HSPA9: variants seen among roughly 807,000 people sequenced by gnomAD.
The protein encoded by HSPA9 is heat shock protein family A (Hsp70) member 9.
HSPA9 carries 28 observed loss-of-function variants against 81.5 expected under a neutral mutation model. The ratio of observed to expected loss-of-function variants is 0.34; its 90% CI spans 0.25 to 0.47. The LOEUF is 0.47. Among genes scored for constraint, HSPA9 ranks in the 20% least tolerant of loss-of-function variants. The pLI is 1.00. For missense variants in HSPA9, 678 were observed against 838.0 expected (o/e 0.81, Z 2.36); for synonymous variants, 293 against 290.4 (o/e 1.01, Z -0.09).
rs773433521 is a variant in HSPA9 at position 138,569,048 on chromosome 5, T to C, written c.412A>G (p.Lys138Glu). The change falls in exon 5 of 17, where the codon AAA (lysine) becomes GAA (glutamate). Residue 138 changes from lysine (K) to glutamate (E), a missense_variant and splice_region_variant. Transcript: ENST00000297185. The stretch of plus-strand genomic sequence containing the variant: ...CGGACAATTTTAAAGGGAACATTTT[T>C]ACTGTAAGACACAAAAATTCTATTA... ...YDDPEVQKDIKNVPFKIVRAS... is the reference protein window; with the variant it reads ...YDDPEVQKDIENVPFKIVRAS... 6.2e-7 allele frequency: 1 copy of C among 1,613,730 alleles called. No individual in the cohort carries two copies. The highest frequency in any genetic ancestry group is 8.5e-7 in the Non-Finnish European group (1 of 1,179,714).
chr5:138,569,245 T>C (rs541439262), intron 4 of HSPA9, among the ~76,000 whole-genome samples, 196 bp from the exon 5 acceptor site: 1 of 152,206 alleles, frequency 6.6e-6, no homozygotes, highest in South Asian at 2.1e-4. Context: ...AATAAATAAA[T>C]AAAAAGAAAG....
At chr5:138,565,587 T>G (rs1750745034) in intron 9 of HSPA9, among the ~76,000 whole-genome samples, 1 of 152,222 alleles carries the variant, frequency 6.6e-6, no homozygotes, top group Non-Finnish European at 1.5e-5. Flanking sequence ...AATTCTATTC[T>G]TGGTGGTGAA....
Position 138,564,677 on chromosome 5 carries a change from T to A in HSPA9, c.972+1949A>T, listed in dbSNP as rs568676544. Reference sequence around the variant, plus strand: ...CCTGGCCACCCAAAGTGAGGCCCCTTCTTAAATTGTAACTGCATTTTTACC... The same window carrying A: ...CCTGGCCACCCAAAGTGAGGCCCCTACTTAAATTGTAACTGCATTTTTACC... On this transcript the variant is annotated intron_variant, in intron 9 of 16. Transcript: ENST00000297185. 2.6e-5 allele frequency among the ~76,000 whole-genome samples: 4 copies of A among 152,346 alleles called. No individual in the cohort carries two copies. The East Asian group carries it at 7.7e-4, about 29-fold the overall frequency.
At chr5:138,570,868 G>A in intron 4 of HSPA9, 92 bp downstream of exon 4, 3 of 1,062,208 alleles carry the variant, frequency 2.8e-6, no homozygotes, top group South Asian at 2.5e-5. Flanking sequence ...CTAAAGTAAG[G>A]TGCTCCAGGG....
chr5:138,568,183 C>T (rs1750805253), intron 5 of HSPA9, among the ~76,000 whole-genome samples: 1 of 145,348 alleles, frequency 6.9e-6, no homozygotes, highest in South Asian at 2.2e-4. Context: ...AGACTCTTGT[C>T]TCAAAACAAA....
intron 3 of HSPA9, among the ~76,000 whole-genome samples, chr5:138,572,900 C>CTG (rs2127162516): frequency 6.9e-6 from 1 of 145,296 alleles, no homozygotes; most frequent in East Asian, 2.0e-4. Context: ...ATAGTCTCTT[C>CTG]TTTTTTTTTT....
At position 138,565,685 on chromosome 5, in the gene HSPA9, G is replaced by A. The variant is rs1196136671; in HGVS notation, c.972+941C>T. 2.0e-5 allele frequency among the ~76,000 whole-genome samples: 3 copies of A among 152,150 alleles called. No homozygotes were observed. The East Asian group carries it at 5.8e-4, about 29-fold the overall frequency. Reference sequence around the variant, plus strand: ...TGCTCACAGACGGAAACTTGCACAAGCTTCAGCTCTTTTTCTAGACTGGTG... The same window carrying A: ...TGCTCACAGACGGAAACTTGCACAAACTTCAGCTCTTTTTCTAGACTGGTG... On this transcript the variant is annotated intron_variant, in intron 9 of 16. Transcript: ENST00000297185.
rs994748063 is a variant in HSPA9 at position 138,574,082 on chromosome 5, T to C, written c.126A>G (p.Ser42=). Residue 42 remains serine (S), a synonymous_variant, in exon 2 of 17, where the codon TCA becomes TCG. Coordinates refer to ENST00000297185, the MANE Select transcript of HSPA9 (RefSeq NM_004134.7). ...ATTATACTTACGCATAATCCCGCCT[T>C]GAAACAAGTCTAAAAGCCTCATGAC... ...GLSHEAFRLV[S]RRDYASEAIK... 6.2e-7 allele frequency: 1 copy of C among 1,613,554 alleles called. No homozygotes were observed. Among genetic ancestry groups the C allele is most frequent in the African/African-American group, 1.3e-5 (1 of 74,900 alleles).
rs763470552 is a variant in HSPA9, at chr5:138,556,814, G to T, written c.1781C>A (p.Thr594Asn). The change falls in exon 15 of 17, where the codon ACC becomes AAC. Residue 594 changes from threonine (T) to asparagine (N), a missense_variant. By Grantham distance (65) the Thr-to-Asn change is moderately conservative (BLOSUM62 0). Coordinates refer to ENST00000297185, the MANE Select transcript of HSPA9 (RefSeq NM_004134.7). ...TTGGTCCTTGAATTCTTCCATCTTG[G>T]TTTCTGTGTCGTGAATGATTCCTTC... ...MAEGIIHDTE[T>N]KMEEFKDQLP... is the part of the protein sequence containing the mutation. The T allele has an allele frequency of 2.5e-6, 4 of 1,613,862 alleles. No individual in the cohort carries two copies. In the South Asian group the frequency reaches 4.4e-5, roughly 18 times the overall value.
intron 10 of HSPA9, chr5:138,561,042 T>C (rs555432734): frequency 2.0e-6 from 1 of 498,410 alleles, no homozygotes; most frequent in East Asian, 5.5e-5. Flanking sequence ...TTCAACAGGT[T>C]TGTGCTCAGT....
intron 3 of HSPA9, among the ~76,000 whole-genome samples, chr5:138,571,766 C>T (rs557884508): frequency 1.0e-3 from 154 of 151,196 alleles, no homozygotes; most frequent in African/African-American, 3.6e-3. Flanking sequence ...CTTCAGCCTC[C>T]TGAGTAGCTG....
At position 138,573,756 on chromosome 5, in the gene HSPA9, T is replaced by C. The variant is rs1470452939; in HGVS notation, c.228+7A>G. The C allele has an allele frequency of 1.9e-6, 3 of 1,572,374 alleles. No homozygotes were observed. Among genetic ancestry groups the C allele is most frequent in the Middle Eastern group, 1.7e-4 (1 of 5,932 alleles). ...TGGATAAGGTACTAGTTATCAATCA[T>C]GCTCACCTTTGCTTGTTTACCTTCC... On this transcript the variant is annotated splice_region_variant and intron_variant, in intron 3 of 16. Coordinates refer to ENST00000297185, the MANE Select transcript of HSPA9 (RefSeq NM_004134.7).
chr5:138,563,782 AC>A (rs1384929685), intron 9 of HSPA9, among the ~76,000 whole-genome samples: 1 of 152,248 alleles, frequency 6.6e-6, no homozygotes, highest in African/African-American at 2.4e-5. Flanking sequence ...TGAGCTTAAA[AC>A]AAAAACAAAA....
Position 138,558,573 on chromosome 5 carries a change from G to A in HSPA9, c.1495C>T (p.Leu499Phe). ...CCTACCAAAGTAAACTGTCCAAGGA[G>A]TTTGTTGTCTCCAGCCATCTCTCTT... ...GEREMAGDNK[L>F]LGQFTLIGIP... The change falls in exon 12 of 17, where the codon CTC becomes TTC. Residue 499 changes from leucine to phenylalanine, a missense_variant. This residue lies in a region of HSPA9 where 484 missense variants were observed against 647.5 expected (regional missense o/e 0.75). Coordinates refer to ENST00000297185, the MANE Select transcript of HSPA9 (RefSeq NM_004134.7). 1 of 1,609,656 alleles carries A rather than the reference G, an allele frequency of 6.2e-7. No homozygotes were observed. Among genetic ancestry groups the A allele is most frequent in the East Asian group, 2.2e-5 (1 of 44,862 alleles).
rs905734629 is a variant in HSPA9, at chr5:138,575,384, G to A, written c.-66C>T. On this transcript the variant is annotated 5_prime_UTR_variant, in exon 1 of 17. Coordinates refer to ENST00000297185, the MANE Select transcript of HSPA9 (RefSeq NM_004134.7). ...CCGACGGCAAAGAGCTGCGCGATGC[G>A]GTGGCGGCAGCGCTTCTGGAAACCT... 2.0e-5 allele frequency: 28 copies of A among 1,373,474 alleles called. No homozygotes were observed. The highest frequency in any genetic ancestry group is 2.7e-5 in the Non-Finnish European group (26 of 970,960). 85.1% of individuals were successfully genotyped at this position (1,373,474 alleles called of 1,614,324 possible).
At chr5:138,556,932 T>G in intron 14 of HSPA9, 66 bp from the exon 15 acceptor site, 1 of 1,047,226 alleles carries the variant, frequency 9.5e-7, no homozygotes, top group Non-Finnish European at 1.5e-6. Context: ...ATGTCTATAC[T>G]CAGACAATAA....
intron 4 of HSPA9, 27 bp downstream of exon 4, chr5:138,570,933 T>C: frequency 6.2e-7 from 1 of 1,612,374 alleles, no homozygotes; most frequent in Non-Finnish European, 8.5e-7. Flanking sequence ...TAACTGCTTT[T>C]TGCAAAAAAC....
intron 4 of HSPA9, among the ~76,000 whole-genome samples, chr5:138,570,154 C>G (rs952310749): frequency 6.6e-6 from 1 of 151,640 alleles, no homozygotes; most frequent in African/African-American, 2.4e-5. Flanking sequence ...TGTGAGTCAC[C>G]CCACCGAGCC....
chr5:138,556,388 A>T, intron 16 of HSPA9, 64 bp downstream of exon 16: 1 of 1,571,126 alleles, frequency 6.4e-7, no homozygotes, highest in Non-Finnish European at 8.7e-7. Context: ...GCCACCAGTG[A>T]CAGTCATCAA....
Sources: gnomAD v4.1 joint callset for allele counts (sites outside exome capture counted in the v4.1 genomes callset) on GRCh38, gnomAD v4.1.1 for gene constraint, gnomAD v4.1.1 regional missense constraint, MANE v1.5 for transcripts, NCBI Gene and HGNC (gene_info 2026-07-23, HGNC 2026-07-21) for gene names.